The following ROBO2 variants were observed in gnomAD, a reference collection of about 807,000 sequenced individuals.
ROBO2 encodes roundabout homolog 2.
In ROBO2, 53 loss-of-function variants were observed where a neutral mutation model predicts 160.8. The ratio of observed to expected loss-of-function variants is 0.33; its 90% CI spans 0.26 to 0.41. ROBO2 has a LOEUF of 0.41. ROBO2 is among the 10% of genes least tolerant of loss of function. ROBO2 has a pLI of 1.00. For missense variants in ROBO2, 1,577 were observed against 1,722.4 expected, an observed-to-expected ratio of 0.92 and a Z score of 1.49; for synonymous variants, 664 against 611.7, an observed-to-expected ratio of 1.09 and a Z score of -1.26.
intron 2 of ROBO2, among the ~76,000 whole-genome samples, chr3:76,503,364 C>A (rs2080589212): frequency 6.6e-6 from 1 of 152,086 alleles, no homozygotes; most frequent in South Asian, 2.1e-4. Context: ...CACTGAAACA[C>A]CCAGAATTAA....
At chr3:76,198,985 T>C (rs1397724470) in intron 2 of ROBO2, among the ~76,000 whole-genome samples, 2 of 152,168 alleles carry the variant, frequency 1.3e-5, no homozygotes, top group African/African-American at 4.8e-5. Context: ...ATGTTCTCAA[T>C]GGGGCTGGGC....
intron 2 of ROBO2, among the ~76,000 whole-genome samples, chr3:77,367,737 G>C (rs1386605437): frequency 6.6e-6 from 1 of 152,020 alleles, no homozygotes; most frequent in Non-Finnish European, 1.5e-5. Context: ...CTAGCTTCCA[G>C]AACTTTATTC....
chr3:76,937,280 T>C (rs11921881), intron 2 of ROBO2, among the ~76,000 whole-genome samples: 57,256 of 151,988 alleles, frequency 0.38, 11,151 homozygotes, highest in South Asian at 0.49. Context: ...ATCTGTGGCA[T>C]GCTATGCTAC....
At chr3:76,622,249 A>AGAAAGAAAGAAAGAAAGAAAGAAG (rs1560252348) in intron 2 of ROBO2, among the ~76,000 whole-genome samples, 1,229 of 52,452 alleles carry the variant, frequency 0.023, 71 homozygotes, top group Non-Finnish European at 0.034. Context: ...AAAGAAAGAA[A>AGAAAGAAAGAAAGAAAGAAAGAAG]GAAAGAAAGA....
intron 1 of ROBO2, among the ~76,000 whole-genome samples, chr3:75,921,691 G>C (rs1264320197): frequency 3.9e-5 from 6 of 152,118 alleles, no homozygotes; most frequent in Non-Finnish European, 7.4e-5. Flanking sequence ...TTTTATTCAT[G>C]ATGGAGAAAG....
chr3:76,489,154 GT>G (rs367830368), intron 2 of ROBO2, among the ~76,000 whole-genome samples: 1,751 of 113,468 alleles, frequency 0.015, 42 homozygotes, highest in African/African-American at 0.048. Context: ...TCTTTTTTTT[GT>G]TTTTTTTTTT....
chr3:77,040,809 A>G (rs2064004305), exon 1 of ROBO2: 2 of 1,614,122 alleles, frequency 1.2e-6, no homozygotes, highest in Non-Finnish European at 8.5e-7. Context: ...TGTTTACACA[A>G]CTACTGCTCT....
At position 76,840,986 on chromosome 3, in the gene ROBO2, TAGA is replaced by T. The variant is rs151197298; in HGVS notation, c.110-257022_110-257020del. 3.3e-5 allele frequency among the ~76,000 whole-genome samples: 5 copies of T among 152,224 alleles called. No individual in the cohort carries two copies. In the East Asian group the frequency reaches 7.7e-4, roughly 24 times the overall value. On this transcript the variant is annotated intron_variant, in intron 2 of 26. Transcript: ENST00000487694. ...ACAAGCCTATCTCTATCTGAGTGGT[TAGA>T]AGAAGGATCTGACCTCTCCTGCTAT... is the stretch of plus-strand genomic sequence containing the variant.
intron 2 of ROBO2, among the ~76,000 whole-genome samples, chr3:77,376,602 G>A (rs187116784): frequency 5.9e-5 from 9 of 152,212 alleles, no homozygotes; most frequent in East Asian, 1.9e-4. Flanking sequence ...CCTAGAAGCC[G>A]TTCCCTTTTC....
chr3:76,186,575 C>G (rs1303769415), intron 2 of ROBO2, among the ~76,000 whole-genome samples: 1 of 152,066 alleles, frequency 6.6e-6, no homozygotes, highest in Non-Finnish European at 1.5e-5. Context: ...ATAGTTCACC[C>G]TTCTCCTGGC....
intron 2 of ROBO2, among the ~76,000 whole-genome samples, chr3:76,987,247 A>G (rs573705550): frequency 3.3e-5 from 5 of 152,192 alleles, no homozygotes; most frequent in Admixed American, 6.5e-5. Context: ...AATATCTGCA[A>G]TTTAATACAC....
intron 24 of ROBO2, among the ~76,000 whole-genome samples, chr3:77,635,638 T>C (rs1462381666): frequency 6.6e-6 from 1 of 152,222 alleles, no homozygotes; most frequent in South Asian, 2.1e-4. Flanking sequence ...TGTACCTTTT[T>C]TGTTTAAATA....
chr3:76,960,818 G>C (rs897697192), intron 2 of ROBO2, among the ~76,000 whole-genome samples: 2 of 152,090 alleles, frequency 1.3e-5, no homozygotes, highest in East Asian at 3.8e-4. Context: ...TATTTGCTCT[G>C]TAAAAATATG....
At chr3:76,802,894 A>G (rs1419932231) in intron 2 of ROBO2, among the ~76,000 whole-genome samples, 3 of 152,288 alleles carry the variant, frequency 2.0e-5, no homozygotes, top group South Asian at 2.1e-4. Context: ...CCCAAGGACA[A>G]ATGGTATTTG....
intron 2 of ROBO2, among the ~76,000 whole-genome samples, chr3:76,199,280 A>C (rs1318034027): frequency 6.6e-6 from 1 of 152,136 alleles, no homozygotes; most frequent in Non-Finnish European, 1.5e-5. Flanking sequence ...GAAGGAGTCA[A>C]ACCCCAGGAA....
At chr3:76,236,319 T>C (rs915881241) in intron 2 of ROBO2, among the ~76,000 whole-genome samples, 2 of 152,140 alleles carry the variant, frequency 1.3e-5, no homozygotes, top group Non-Finnish European at 2.9e-5. Context: ...AACACGGAAT[T>C]ATGTCAATGT....
At chr3:77,019,593 C>T (rs2062497494) in intron 2 of ROBO2, among the ~76,000 whole-genome samples, 1 of 152,150 alleles carries the variant, frequency 6.6e-6, no homozygotes, top group African/African-American at 2.4e-5. Context: ...GGAGAATGTA[C>T]ACACAAGGAA....
At chr3:77,484,252 A>G (rs551381678) in intron 4 of ROBO2, among the ~76,000 whole-genome samples, 33 of 152,166 alleles carry the variant, frequency 2.2e-4, no homozygotes, top group African/African-American at 7.7e-4. Context: ...AGAAGTTTAC[A>G]TATGTTAAGC....
intron 2 of ROBO2, among the ~76,000 whole-genome samples, chr3:76,488,988 G>A (rs1388812856): frequency 6.7e-6 from 1 of 149,736 alleles, no homozygotes; most frequent in East Asian, 2.0e-4. Flanking sequence ...GGAGGCTGAG[G>A]CAGGAGCATT....
Sources: allele counts gnomAD v4.1 joint callset (sites outside exome capture counted in the v4.1 genomes callset), GRCh38; gene constraint gnomAD v4.1.1; transcripts MANE v1.5; gene names NCBI Gene and HGNC (gene_info 2026-07-23, HGNC 2026-07-21).